SLC22A16: variants seen among roughly 807,000 people sequenced by gnomAD.
SLC22A16 encodes the protein WUGSC:RG331P03.1.
Under a neutral mutation model 52.9 loss-of-function variants are expected in SLC22A16, and 53 were observed. The observed-to-expected ratio is 1.00, with a 90% CI of 0.80 to 1.26. The LOEUF is 1.26. SLC22A16 is among the 50% of genes most tolerant of loss of function. The probability of loss-of-function intolerance (pLI) is 0.00; values close to 1 mark genes in which losing one functional copy is unlikely to be tolerated. For synonymous variants in SLC22A16, 291 were observed against 268.8 expected (o/e 1.08, Z -0.81); for missense variants, 726 against 704.0 (o/e 1.03, Z -0.35).
chr6:110,427,946 G>C (rs944368106), intron 7 of SLC22A16, among the ~76,000 whole-genome samples: 1 of 152,134 alleles, frequency 6.6e-6, no homozygotes, highest in African/African-American at 2.4e-5. Context: ...CTCAAGACAG[G>C]CTATTTCTTT....
intron 1 of SLC22A16, among the ~76,000 whole-genome samples, chr6:110,473,687 G>A (rs116545579): frequency 0.024 from 3,399 of 140,168 alleles, 131 homozygotes; most frequent in African/African-American, 0.088. Flanking sequence ...ACCATGCCAG[G>A]CTCATTTTTT....
At position 110,456,564 on chromosome 6, in the gene SLC22A16, C is replaced by T. The variant is rs151191484; in HGVS notation, c.507G>A (p.Ser169=). Residue 169 remains serine, a synonymous_variant, in exon 2 of 8, where the codon TCG becomes TCA. Coordinates refer to ENST00000368919, the MANE Select transcript of SLC22A16 (RefSeq NM_033125.4). ...PLFMFGVLLG[S]VTFGYFSDRL... is the part of the protein sequence containing the mutation. ...TGTCAGAAAAGTAGCCAAAAGTCAC[C>T]GATCCCAGTAGGACTCCAAACATAA... 2.9e-4 allele frequency: 466 copies of T among 1,613,964 alleles called. 2 individuals carry two copies. The East Asian group carries it at 8.7e-3, about 30-fold the overall frequency.
chr6:110,465,868 A>G (rs2115017468), intron 1 of SLC22A16, among the ~76,000 whole-genome samples: 1 of 152,292 alleles, frequency 6.6e-6, no homozygotes, highest in Non-Finnish European at 1.5e-5. Context: ...GAGGCATCAC[A>G]TTACCTGACT....
chr6:110,450,386 C>A (rs1299542473), intron 2 of SLC22A16, among the ~76,000 whole-genome samples: 1 of 151,778 alleles, frequency 6.6e-6, no homozygotes, highest in African/African-American at 2.4e-5. Context: ...CCAAGGCAGG[C>A]AGATCACTGG....
chr6:110,470,203 A>G (rs1270026648), intron 1 of SLC22A16, among the ~76,000 whole-genome samples: 1 of 152,186 alleles, frequency 6.6e-6, no homozygotes, highest in Non-Finnish European at 1.5e-5. Flanking sequence ...TTTTGTTGAG[A>G]GCCTAAGGAG....
intron 1 of SLC22A16, among the ~76,000 whole-genome samples, chr6:110,462,511 A>G (rs1050264206): frequency 2.0e-5 from 3 of 152,196 alleles, no homozygotes; most frequent in Non-Finnish European, 2.9e-5. Flanking sequence ...GAAAGACTAG[A>G]CCAAGCAGAA....
At chr6:110,450,260 T>G (rs1256152849) in intron 2 of SLC22A16, among the ~76,000 whole-genome samples, 6 of 152,182 alleles carry the variant, frequency 3.9e-5, no homozygotes, top group African/African-American at 1.4e-4. Context: ...TATAAGACAT[T>G]TAGAATAGTA....
chr6:110,473,117 G>A (rs9487423), intron 1 of SLC22A16, among the ~76,000 whole-genome samples: 15,359 of 152,032 alleles, frequency 0.1, 1,863 homozygotes, highest in African/African-American at 0.29. Flanking sequence ...GTTAACACAT[G>A]GAAAGCACTC....
chr6:110,450,478 G>A (rs181919414), intron 2 of SLC22A16, among the ~76,000 whole-genome samples: 12 of 151,982 alleles, frequency 7.9e-5, no homozygotes, highest in Middle Eastern at 3.4e-3. Context: ...CAGGCATGGC[G>A]GCACATGCCT....
chr6:110,439,765 C>T (rs1216834145), intron 4 of SLC22A16, among the ~76,000 whole-genome samples: 3 of 152,150 alleles, frequency 2.0e-5, no homozygotes, highest in Admixed American at 1.3e-4. Flanking sequence ...ATTTCTCTCA[C>T]GTTTTAGTTT....
chr6:110,471,748 G>T (rs1442238401), intron 1 of SLC22A16, among the ~76,000 whole-genome samples: 2 of 152,188 alleles, frequency 1.3e-5, no homozygotes, highest in Non-Finnish European at 2.9e-5. Context: ...TTGGGTGGGG[G>T]TAACACAGGT....
Position 110,442,236 on chromosome 6 carries a change from C to T in SLC22A16, c.1183+8G>A, listed in dbSNP as rs775996550. On this transcript the variant is annotated splice_region_variant and intron_variant, in intron 4 of 7. Coordinates refer to ENST00000368919, the MANE Select transcript of SLC22A16 (RefSeq NM_033125.4). ...ACTGCCAAATTTAAATATACTGTAA[C>T]TACTTACCCAGGAGGAAGAGGTTTA... is the stretch of plus-strand genomic sequence containing the variant. 71 of 1,611,118 alleles carry T rather than the reference C, an allele frequency of 4.4e-5. 1 individual carries two copies. The South Asian group carries it at 7.4e-4, about 17-fold the overall frequency.
intron 1 of SLC22A16, among the ~76,000 whole-genome samples, chr6:110,470,172 T>C (rs568737100): frequency 6.6e-6 from 1 of 152,192 alleles, no homozygotes; most frequent in East Asian, 1.9e-4. Context: ...GGCATGAAAA[T>C]CAGGTCCTCT....
At chr6:110,462,125 C>T (rs1326436542) in intron 1 of SLC22A16, among the ~76,000 whole-genome samples, 1 of 152,178 alleles carries the variant, frequency 6.6e-6, no homozygotes, top group Non-Finnish European at 1.5e-5. Context: ...GTCACAAGAA[C>T]AGCACGGGAA....
rs1160705258 is a variant in SLC22A16 at position 110,456,645 on chromosome 6, G to A, written c.426C>T (p.Thr142=). The change falls in exon 2 of 8, where the codon ACC becomes ACT. Residue 142 remains threonine (T), a synonymous_variant. Coordinates refer to ENST00000368919, the MANE Select transcript of SLC22A16 (RefSeq NM_033125.4). ...DQNTWKSTAV[T]QWNLVCDRKW... ...TTCGGTCACAGACCAGGTTCCACTG[G>A]GTCACCGCAGTGCTTTTCCATGTGT... 8 of 1,614,042 alleles carry A rather than the reference G, an allele frequency of 5.0e-6. No individual in the cohort carries two copies. Among genetic ancestry groups the A allele is most frequent in the Non-Finnish European group, 6.8e-6 (8 of 1,180,040 alleles).
chr6:110,468,757 A>C (rs1179496994), intron 1 of SLC22A16, among the ~76,000 whole-genome samples: 1 of 152,194 alleles, frequency 6.6e-6, no homozygotes, highest in African/African-American at 2.4e-5. Context: ...GTAGGCTGAG[A>C]AGACAGGCCG....
chr6:110,454,996 G>T (rs1209212696), intron 2 of SLC22A16, among the ~76,000 whole-genome samples: 1 of 105,480 alleles, frequency 9.5e-6, no homozygotes, highest in African/African-American at 3.7e-5. Context: ...TATATTATAT[G>T]TACATATAAT....
Position 110,468,958 on chromosome 6 carries a change from G to A in SLC22A16, c.53+7564C>T, listed in dbSNP as rs189073959. Reference sequence around the variant, plus strand: ...GGTGAGCACCTAGCATGGCTGGTGGGTCACCTGCCCTTGGGAAGCAGGCTT... The same window carrying A: ...GGTGAGCACCTAGCATGGCTGGTGGATCACCTGCCCTTGGGAAGCAGGCTT... On this transcript the variant is annotated intron_variant, in intron 1 of 7. Transcript: ENST00000368919. 3.3e-4 allele frequency among the ~76,000 whole-genome samples: 51 copies of A among 152,270 alleles called. 1 individual carries two copies. The South Asian group carries it at 5.4e-3, about 16-fold the overall frequency.
intron 4 of SLC22A16, among the ~76,000 whole-genome samples, chr6:110,441,717 C>T (rs1562283434): frequency 1.3e-5 from 2 of 152,284 alleles, no homozygotes; most frequent in East Asian, 1.9e-4. Flanking sequence ...AATGGGCATG[C>T]TCATTCCTCT....
Sources: gnomAD v4.1 joint callset for allele counts (sites outside exome capture counted in the v4.1 genomes callset) on GRCh38, gnomAD v4.1.1 for gene constraint, MANE v1.5 for transcripts, NCBI Gene and HGNC (gene_info 2026-07-23, HGNC 2026-07-21) for gene names.